Variants in SMC1B observed in about 807,000 individuals in gnomAD.
The protein encoded by SMC1B is structural maintenance of chromosomes 1B.
Under a neutral mutation model 157.9 loss-of-function variants are expected in SMC1B, and 60 were observed. That is an observed-to-expected ratio of 0.38 (90% CI 0.31 to 0.47). SMC1B has a LOEUF of 0.47. Among genes scored for constraint, SMC1B ranks in the 20% least tolerant of loss-of-function variants. SMC1B has a pLI of 0.99. For synonymous variants in SMC1B, 445 were observed against 483.0 expected, an observed-to-expected ratio of 0.92 and a Z score of 1.03; for missense variants, 1,165 against 1,426.2, an observed-to-expected ratio of 0.82 and a Z score of 2.95.
chr22:45,399,129 T>C lies in SMC1B; in HGVS notation c.1079A>G (p.His360Arg), dbSNP rs1602091861. 5 of 1,613,678 alleles carry C rather than the reference T, an allele frequency of 3.1e-6. No individual in the cohort carries two copies. The African/African-American group carries it at 4.0e-5, about 13-fold the overall frequency. ...FEKQIEEEILHKKRDIELEAS... is the reference protein window; with the variant it reads ...FEKQIEEEILRKKRDIELEAS... ...TTCCAGTTCAATGTCTCGCTTTTTATGTAAAATTTCTTCCTCAATCTGCTT... is the reference window on the plus strand; with the variant it reads ...TTCCAGTTCAATGTCTCGCTTTTTACGTAAAATTTCTTCCTCAATCTGCTT... The change falls in exon 6 of 25, where the codon CAT becomes CGT. Residue 360 changes from histidine to arginine, a missense_variant. Coordinates refer to ENST00000357450, the MANE Select transcript of SMC1B (RefSeq NM_148674.5).
intron 4 of SMC1B, among the ~76,000 whole-genome samples, chr22:45,404,723 G>A (rs1349476524): frequency 6.6e-6 from 1 of 151,958 alleles, no homozygotes; most frequent in East Asian, 1.9e-4. Context: ...TTTCCAGAAT[G>A]AAGCAACATA....
In SMC1B at chr22:45,380,196, T is replaced by C. The variant is rs184740838; in HGVS notation, c.2058+3271A>G. Reference sequence around the variant, plus strand: ...AGTCCCATCCAGTTTTGCAGTCTGATACGAGCCTTTTTTTTGTTTAAACGT... The same window carrying C: ...AGTCCCATCCAGTTTTGCAGTCTGACACGAGCCTTTTTTTTGTTTAAACGT... On this transcript the variant is annotated intron_variant, in intron 12 of 24. Transcript: ENST00000357450. Among the ~76,000 whole-genome samples, 8 of 152,340 alleles carry C rather than the reference T, an allele frequency of 5.3e-5. No individual in the cohort carries two copies. The East Asian group carries it at 1.5e-3, about 29-fold the overall frequency.
At position 45,355,103 on chromosome 22, in the gene SMC1B, C is replaced by T; in HGVS notation, c.2974G>A (p.Asp992Asn). ...CTAAGGTGGGCCTCGATTTCTTGAT[C>T]AGACTGTAGAGCCTATTATGGGCAA... ...LKEDLKALQS[D>N]QEIEAHLRLL... Residue 992 changes from aspartate (D) to asparagine (N), a missense_variant, in exon 20 of 25, where the codon GAT becomes AAT. By Grantham distance (23) the Asp-to-Asn change is conservative. Coordinates refer to ENST00000357450, the MANE Select transcript of SMC1B (RefSeq NM_148674.5). The T allele has an allele frequency of 6.2e-7, 1 of 1,614,114 alleles. No individual in the cohort carries two copies.
chr22:45,383,679 G>A (rs2086961487), intron 11 of SMC1B, 66 bp from the exon 12 acceptor site: 21 of 1,338,682 alleles, frequency 1.6e-5, no homozygotes, highest in Non-Finnish European at 2.0e-5. Flanking sequence ...GACACAATGT[G>A]TCAATTTTTA....
chr22:45,406,429 A>G (rs1301020826), intron 4 of SMC1B, 31 bp downstream of exon 4: 1 of 1,572,884 alleles, frequency 6.4e-7, no homozygotes, highest in Admixed American at 1.8e-5. Flanking sequence ...TATATCCAAC[A>G]ACTAATGGTT....
chr22:45,359,288 T>C (rs2086698599), intron 18 of SMC1B, among the ~76,000 whole-genome samples: 1 of 152,194 alleles, frequency 6.6e-6, no homozygotes, highest in Admixed American at 6.5e-5. Flanking sequence ...AAGTGTCCTG[T>C]ATAATCCAAA....
chr22:45,370,998 G>A (rs1203670504), intron 14 of SMC1B, among the ~76,000 whole-genome samples: 1 of 152,192 alleles, frequency 6.6e-6, no homozygotes, highest in East Asian at 1.9e-4. Flanking sequence ...ATACCCCACG[G>A]TGGAATGGAT....
chr22:45,359,926 C>G lies in SMC1B; in HGVS notation c.2741G>C (p.Ser914Thr). 6.2e-7 allele frequency: 1 copy of G among 1,613,636 alleles called. No individual in the cohort carries two copies. Among genetic ancestry groups the G allele is most frequent in the Middle Eastern group, 1.7e-4 (1 of 6,054 alleles). Residue 914 changes from serine (S) to threonine (T), a missense_variant, in exon 18 of 25, where the codon AGT becomes ACT. Coordinates refer to ENST00000357450, the MANE Select transcript of SMC1B (RefSeq NM_148674.5). ...EVGKLQKEVVSIQTSLEQKRL... is the reference protein window; with the variant it reads ...EVGKLQKEVVTIQTSLEQKRL... ...TTTCTGTTCCAGAGAAGTTTGAATA[C>G]TTACAACTTCTTTTTGCAATTTCCC...
At chr22:45,398,976 A>T (rs1246915686) in intron 6 of SMC1B, 119 bp downstream of exon 6, 1 of 1,036,296 alleles carries the variant, frequency 9.6e-7, no homozygotes, top group Non-Finnish European at 1.4e-6. Context: ...AAATCCCCAC[A>T]ATTTACATTG....
intron 4 of SMC1B, among the ~76,000 whole-genome samples, chr22:45,405,593 A>G (rs557853026): frequency 7.9e-5 from 12 of 152,010 alleles, no homozygotes; most frequent in Non-Finnish European, 1.6e-4. Flanking sequence ...GGTTTTATGC[A>G]TGGAAAGTTA....
chr22:45,386,598 T>C (rs1602078768), intron 11 of SMC1B, among the ~76,000 whole-genome samples: 2 of 136,134 alleles, frequency 1.5e-5, no homozygotes, highest in South Asian at 4.6e-4. Flanking sequence ...CAACAACAAC[T>C]AACTGCTTTA....
intron 3 of SMC1B, 33 bp downstream of exon 3, chr22:45,406,720 C>G (rs1290648535): frequency 1.9e-6 from 3 of 1,583,548 alleles, no homozygotes; most frequent in Non-Finnish European, 2.6e-6. Context: ...ATTTTCAAAA[C>G]TCTGAATCAA....
At chr22:45,382,100 T>TA (rs1367476546) in intron 12 of SMC1B, among the ~76,000 whole-genome samples, 2 of 152,164 alleles carry the variant, frequency 1.3e-5, no homozygotes, top group Non-Finnish European at 2.9e-5. Flanking sequence ...ATATAAATGT[T>TA]AAAAACACAA....
intron 12 of SMC1B, among the ~76,000 whole-genome samples, chr22:45,378,880 T>G (rs2086908307): frequency 6.6e-6 from 1 of 152,252 alleles, no homozygotes; most frequent in Non-Finnish European, 1.5e-5. Context: ...CACACAAGGA[T>G]TTTTAACCTT....
chr22:45,344,789 T>C (rs1232660429), intron 24 of SMC1B, 132 bp from the exon 25 acceptor site: 1 of 560,154 alleles, frequency 1.8e-6, no homozygotes, highest in Non-Finnish European at 3.1e-6. Context: ...TCTGCATTTA[T>C]ATTGGTTGTG....
At position 45,386,875 on chromosome 22, in the gene SMC1B, T is replaced by C; in HGVS notation, c.1903A>G (p.Arg635Gly). ...ARHIALSGPE[R>G]QKTVALDGTL... ...CAAGCCTCTTTTCTTACTTTCTGTCTTTCAGGTCCACTGAGTGCAATATGC... is the reference window on the plus strand; with the variant it reads ...CAAGCCTCTTTTCTTACTTTCTGTCCTTCAGGTCCACTGAGTGCAATATGC... Residue 635 changes from arginine to glycine, a missense_variant, in exon 11 of 25, where the codon AGA becomes GGA. Transcript: ENST00000357450. The C allele has an allele frequency of 6.2e-7, 1 of 1,612,874 alleles. No individual in the cohort carries two copies. The highest frequency in any genetic ancestry group is 1.1e-5 in the South Asian group (1 of 90,918).
intron 17 of SMC1B, 50 bp downstream of exon 17, chr22:45,361,789 C>T: frequency 6.4e-7 from 1 of 1,551,364 alleles, no homozygotes; most frequent in Non-Finnish European, 8.8e-7. Flanking sequence ...AGTTGGTGTC[C>T]ATGTTTAAAA....
At chr22:45,391,828 G>C (rs1032143082) in intron 9 of SMC1B, among the ~76,000 whole-genome samples, 3 of 152,074 alleles carry the variant, frequency 2.0e-5, no homozygotes, top group Non-Finnish European at 2.9e-5. Flanking sequence ...GAGGGAGGAG[G>C]ACAAATCCCA....
rs2086959100 is a variant in SMC1B at position 45,383,524 on chromosome 22, A to T, written c.2001T>A (p.Asp667Glu). ...CTCTTAGATTCTTTAACTCTTTCTCATCCCAGCATCTAGCCTTGTATTTTA... is the reference window on the plus strand; with the variant it reads ...CTCTTAGATTCTTTAACTCTTTCTCTTCCCAGCATCTAGCCTTGTATTTTA... ...SDLKYKARCW[D>E]EKELKNLRDR... Residue 667 changes from aspartate to glutamate, a missense_variant, in exon 12 of 25, where the codon GAT (aspartate) becomes GAA (glutamate). Transcript: ENST00000357450. 1 of 1,610,138 alleles carries T rather than the reference A, an allele frequency of 6.2e-7. No individual in the cohort carries two copies. Among genetic ancestry groups the T allele is most frequent in the Non-Finnish European group, 8.5e-7 (1 of 1,178,716 alleles).
Sources: gnomAD v4.1 joint callset for allele counts (sites outside exome capture counted in the v4.1 genomes callset) on GRCh38, gnomAD v4.1.1 for gene constraint, MANE v1.5 for transcripts, NCBI Gene and HGNC (gene_info 2026-07-23, HGNC 2026-07-21) for gene names.